Variants in RRAGD observed in about 807,000 individuals in gnomAD.
RRAGD encodes ras-related GTP-binding protein D.
In RRAGD, 12 loss-of-function variants were observed where a neutral mutation model predicts 35.5. The ratio of observed to expected loss-of-function variants is 0.34; its 90% CI spans 0.22 to 0.55. RRAGD has a LOEUF of 0.55. Ranked by LOEUF, RRAGD falls within the 20% of genes least tolerant of loss-of-function variation. The pLI is 0.91. For synonymous variants in RRAGD, 155 were observed against 178.9 expected (o/e 0.87, Z 1.07); for missense variants, 324 against 490.1 (o/e 0.66, Z 3.20).
chr6:89,375,683 G>C (rs1370689077), intron 5 of RRAGD, among the ~76,000 whole-genome samples: 1 of 152,224 alleles, frequency 6.6e-6, no homozygotes, highest in Admixed American at 6.5e-5. Flanking sequence ...CCTGCCTCCT[G>C]CTGGTTAACA....
chr6:89,386,207 T>A (rs1437375415), intron 2 of RRAGD, among the ~76,000 whole-genome samples: 1 of 152,178 alleles, frequency 6.6e-6, no homozygotes, highest in Non-Finnish European at 1.5e-5. Flanking sequence ...CCATATGTCA[T>A]GGGCATTTTC....
chr6:89,373,867 C>T (rs1421464351), intron 5 of RRAGD, among the ~76,000 whole-genome samples: 1 of 152,106 alleles, frequency 6.6e-6, no homozygotes, highest in African/African-American at 2.4e-5. Context: ...ACATAAAATA[C>T]ACACTTATTA....
At position 89,412,102 on chromosome 6, in the gene RRAGD, C is replaced by T. The variant is rs1769716836; in HGVS notation, c.-109G>A. The T allele has an allele frequency of 9.3e-7, 1 of 1,080,250 alleles. No individual in the cohort carries two copies. Among genetic ancestry groups the T allele is most frequent in the Non-Finnish European group, 1.2e-6 (1 of 828,222 alleles). 66.9% of individuals were successfully genotyped at this position (1,080,250 alleles called of 1,614,324 possible). On this transcript the variant is annotated 5_prime_UTR_variant, in exon 1 of 7. Transcript: ENST00000369415. This position sits in a 1 kb window ranked among gnomAD's most constrained non-coding sequence, Gnocchi z 4.2. ...TTCTGAAGCGGAGGTTTGTCTAGAG[C>T]TCAGCGGGGCCCGGCGGAAGCGGGG...
At chr6:89,373,985 C>G (rs1049695079) in intron 5 of RRAGD, among the ~76,000 whole-genome samples, 2 of 152,196 alleles carry the variant, frequency 1.3e-5, no homozygotes, top group Admixed American at 1.3e-4. Context: ...CCTTTTCCCC[C>G]TTACCTAAAA....
At chr6:89,371,258 G>A (rs1768849822) in intron 6 of RRAGD, among the ~76,000 whole-genome samples, 1 of 152,022 alleles carries the variant, frequency 6.6e-6, no homozygotes, top group East Asian at 1.9e-4. Flanking sequence ...GGATGTCGAG[G>A]TGGGAGGATC....
chr6:89,370,819 G>A lies in RRAGD; in HGVS notation c.1051+1618C>T, dbSNP rs1437935986. On this transcript the variant is annotated intron_variant, in intron 6 of 6. Transcript: ENST00000369415. ...CATACAATCTATCATAGTCCTTTTA[G>A]AAAATGCATATGCAAGAAAGGACTG... 7.2e-5 allele frequency among the ~76,000 whole-genome samples: 11 copies of A among 152,194 alleles called. No individual in the cohort carries two copies. In the East Asian group the frequency reaches 2.1e-3, roughly 29 times the overall value.
At chr6:89,378,120 C>A (rs532026075) in intron 4 of RRAGD, among the ~76,000 whole-genome samples, 1 of 152,024 alleles carries the variant, frequency 6.6e-6, no homozygotes, top group East Asian at 1.9e-4. Context: ...CCTGACCAAC[C>A]GGGAGAAACC....
At chr6:89,400,937 T>A (rs1423664747) in intron 1 of RRAGD, among the ~76,000 whole-genome samples, 1 of 152,154 alleles carries the variant, frequency 6.6e-6, no homozygotes, top group Admixed American at 6.5e-5. Flanking sequence ...TTGTTCTAAT[T>A]TCAGGAAGGT....
At chr6:89,374,038 T>C (rs1768894412) in intron 5 of RRAGD, among the ~76,000 whole-genome samples, 3 of 152,332 alleles carry the variant, frequency 2.0e-5, no homozygotes, top group East Asian at 1.9e-4. Flanking sequence ...CCCAAATTTA[T>C]GAATAACTGA....
At chr6:89,378,168 G>C (rs1278922484) in intron 4 of RRAGD, among the ~76,000 whole-genome samples, 1 of 152,120 alleles carries the variant, frequency 6.6e-6, no homozygotes, top group Non-Finnish European at 1.5e-5. Context: ...CAGGCGTGGT[G>C]GTGCATGCCT....
intron 5 of RRAGD, among the ~76,000 whole-genome samples, chr6:89,374,567 C>T (rs551920980): frequency 1.4e-4 from 22 of 152,124 alleles, no homozygotes; most frequent in African/African-American, 5.1e-4. Flanking sequence ...TCCGTCTCTA[C>T]TAAAAATACA....
intron 1 of RRAGD, among the ~76,000 whole-genome samples, chr6:89,409,418 G>A (rs854923): frequency 0.059 from 9,044 of 152,252 alleles, 345 homozygotes; most frequent in Non-Finnish European, 0.087. Context: ...AAGGGGAGTG[G>A]GGGTTCATTA....
At chr6:89,382,400 AATATAT>A (rs58343827) in intron 2 of RRAGD, among the ~76,000 whole-genome samples, 6 of 130,886 alleles carry the variant, frequency 4.6e-5, no homozygotes, top group South Asian at 4.8e-4. Flanking sequence ...TATCTCTAGA[AATATAT>A]ATATATATAT....
intron 1 of RRAGD, among the ~76,000 whole-genome samples, chr6:89,391,596 A>G (rs143677760): frequency 1.3e-5 from 2 of 152,318 alleles, no homozygotes; most frequent in Non-Finnish European, 2.9e-5. Context: ...GCCAGTGGCT[A>G]GAGAGAAGGG....
chr6:89,372,327 TGGAAGTTTCGAG>T lies in RRAGD; in HGVS notation c.1051+98_1051+109del, dbSNP rs1768866676. The T allele has an allele frequency of 2.5e-6, 3 of 1,200,192 alleles. No homozygotes were observed. The African/African-American group carries it at 4.7e-5, about 19-fold the overall frequency. 74.3% of individuals were successfully genotyped at this position (1,200,192 alleles called of 1,614,324 possible). A position where few individuals can be genotyped will look rare whatever the true frequency, so the allele number is the denominator to read the frequency against. On this transcript the variant is annotated intron_variant, in intron 6 of 6. Transcript: ENST00000369415. Reference sequence around the variant, plus strand: ...GCCAAGAGGGCCTGTGACTGGCATCTGGAAGTTTCGAGGGCTATGCTGTTGTCCACCCACATT... The same window carrying T: ...GCCAAGAGGGCCTGTGACTGGCATCTGGCTATGCTGTTGTCCACCCACATT...
At position 89,382,685 on chromosome 6, in the gene RRAGD, C is replaced by T. The variant is rs1582510262; in HGVS notation, c.445-2318G>A. On this transcript the variant is annotated intron_variant, in intron 2 of 6. Transcript: ENST00000369415. Reference sequence around the variant, plus strand: ...GGTCAGGAGTTCGAGACCAGCCTGACCAACATGGTGAAACCCCGTCTCTAC... The same window carrying T: ...GGTCAGGAGTTCGAGACCAGCCTGATCAACATGGTGAAACCCCGTCTCTAC... Among the ~76,000 whole-genome samples, 7 of 151,874 alleles carry T rather than the reference C, an allele frequency of 4.6e-5. No homozygotes were observed. In the East Asian group the frequency reaches 1.4e-3, roughly 30 times the overall value.
chr6:89,368,356 G>T, intron 6 of RRAGD, 149 bp from the exon 7 acceptor site: 1 of 600,368 alleles, frequency 1.7e-6, no homozygotes, highest in South Asian at 3.3e-5. Context: ...GTCTGCAGCT[G>T]GCCTTCAGAA....
chr6:89,405,353 CAAAAAAAAAAA>C (rs56252416), intron 1 of RRAGD, among the ~76,000 whole-genome samples: 3 of 52,182 alleles, frequency 5.7e-5, no homozygotes, highest in African/African-American at 1.5e-4. Flanking sequence ...GACTCCGTCT[CAAAAAAAAAAA>C]AAAAAAAAAA....
chr6:89,386,961 A>C (rs998413348), intron 2 of RRAGD, among the ~76,000 whole-genome samples: 1 of 152,238 alleles, frequency 6.6e-6, no homozygotes, highest in Middle Eastern at 3.2e-3. Context: ...AAATTTATAC[A>C]CATGTTTTTG....
Sources: gnomAD v4.1 joint callset for allele counts (sites outside exome capture counted in the v4.1 genomes callset) on GRCh38, gnomAD v4.1.1 for gene constraint, Gnocchi (gnomAD v3.1) non-coding constraint, MANE v1.5 for transcripts, NCBI Gene and HGNC (gene_info 2026-07-23, HGNC 2026-07-21) for gene names.